ITFG1: variants seen among roughly 807,000 people sequenced by gnomAD.
The protein encoded by ITFG1 is integrin alpha FG-GAP repeat containing 1.
Under a neutral mutation model 81.8 loss-of-function variants are expected in ITFG1, and 34 were observed. That is an observed-to-expected ratio of 0.42 (90% CI 0.32 to 0.55). ITFG1 has a LOEUF of 0.55. Among genes scored for constraint, ITFG1 ranks in the 20% least tolerant of loss-of-function variants. ITFG1 has a pLI of 0.17. For synonymous variants in ITFG1, 285 were observed against 270.6 expected, an observed-to-expected ratio of 1.05 and a Z score of -0.52; for missense variants, 672 against 755.4, an observed-to-expected ratio of 0.89 and a Z score of 1.29.
At chr16:47,428,691 A>C in intron 6 of ITFG1, 113 bp downstream of exon 6, 1 of 727,368 alleles carries the variant, frequency 1.4e-6, no homozygotes, top group South Asian at 1.6e-5. Flanking sequence ...AACATCCTTT[A>C]AACATTAATT....
chr16:47,341,428 AGAAAATACT>A (rs1475460708), intron 8 of ITFG1, among the ~76,000 whole-genome samples: 1 of 150,166 alleles, frequency 6.7e-6, no homozygotes, highest in Non-Finnish European at 1.5e-5. Flanking sequence ...AAAAAAAAAA[AGAAAATACT>A]TGAGACAAAT....
chr16:47,398,162 T>C (rs1968615265), intron 6 of ITFG1, among the ~76,000 whole-genome samples: 1 of 152,204 alleles, frequency 6.6e-6, no homozygotes, highest in Admixed American at 6.5e-5. Context: ...TAACAGCCTG[T>C]CACACACCTC....
chr16:47,254,885 G>A (rs1363812337), intron 12 of ITFG1, among the ~76,000 whole-genome samples: 1 of 151,796 alleles, frequency 6.6e-6, no homozygotes, highest in Non-Finnish European at 1.5e-5. Context: ...AAGTACACTG[G>A]CTCCAGCCTG....
At chr16:47,439,460 A>T (rs879571290) in intron 5 of ITFG1, among the ~76,000 whole-genome samples, 17 of 152,214 alleles carry the variant, frequency 1.1e-4, no homozygotes, top group Non-Finnish European at 2.4e-4. Flanking sequence ...CCACAAAGGG[A>T]AGGCCATCAG....
intron 10 of ITFG1, among the ~76,000 whole-genome samples, chr16:47,306,002 A>G (rs1374148065): frequency 2.0e-5 from 3 of 152,320 alleles, no homozygotes; most frequent in Admixed American, 6.5e-5. Flanking sequence ...CATTCCATCA[A>G]TTGATAATAC....
intron 14 of ITFG1, among the ~76,000 whole-genome samples, chr16:47,203,070 C>T (rs546510956): frequency 3.3e-5 from 5 of 152,002 alleles, no homozygotes; most frequent in East Asian, 1.9e-4. Flanking sequence ...AGCAGGATTA[C>T]GATAGCCAAA....
At chr16:47,431,290 A>G (rs1969092562) in intron 5 of ITFG1, among the ~76,000 whole-genome samples, 1 of 152,208 alleles carries the variant, frequency 6.6e-6, no homozygotes. Flanking sequence ...GCGGCAGGCA[A>G]GTGAGCATCA....
intron 6 of ITFG1, among the ~76,000 whole-genome samples, chr16:47,382,094 A>C (rs1452045532): frequency 6.6e-6 from 1 of 152,250 alleles, no homozygotes; most frequent in Non-Finnish European, 1.5e-5. Context: ...TTTTAATATG[A>C]AAAATCAAAC....
At chr16:47,432,046 C>G (rs1218037974) in intron 5 of ITFG1, among the ~76,000 whole-genome samples, 1 of 152,144 alleles carries the variant, frequency 6.6e-6, no homozygotes, top group Non-Finnish European at 1.5e-5. Flanking sequence ...GGAACTTTCT[C>G]TTTGATGCTG....
intron 6 of ITFG1, among the ~76,000 whole-genome samples, chr16:47,413,186 AAG>A (rs1240630382): frequency 6.6e-6 from 1 of 152,224 alleles, no homozygotes; most frequent in African/African-American, 2.4e-5. Flanking sequence ...TACGAGCAAG[AAG>A]AGACTGGGGG....
intron 8 of ITFG1, among the ~76,000 whole-genome samples, chr16:47,357,473 G>C (rs140723308): frequency 2.5e-3 from 376 of 151,988 alleles, no homozygotes; most frequent in Middle Eastern, 0.014. Context: ...CAATTAGCCG[G>C]GCGTGGTGGT....
intron 14 of ITFG1, among the ~76,000 whole-genome samples, chr16:47,181,261 G>C (rs979604610): frequency 1.3e-5 from 2 of 150,500 alleles, no homozygotes; most frequent in African/African-American, 4.9e-5. Flanking sequence ...CCCTCCGCCC[G>C]GCAGCCACCC....
At chr16:47,242,844 T>G (rs1188295150) in intron 12 of ITFG1, among the ~76,000 whole-genome samples, 1 of 152,178 alleles carries the variant, frequency 6.6e-6, no homozygotes, top group Non-Finnish European at 1.5e-5. Context: ...TTACTTCAGG[T>G]GAACTGGGTT....
At chr16:47,219,770 A>T (rs1965669035) in intron 13 of ITFG1, among the ~76,000 whole-genome samples, 2 of 152,156 alleles carry the variant, frequency 1.3e-5, no homozygotes, top group South Asian at 4.1e-4. Context: ...AAGTAATATG[A>T]TTTCATCAAC....
At chr16:47,345,822 G>A (rs968868448) in intron 8 of ITFG1, among the ~76,000 whole-genome samples, 8 of 152,192 alleles carry the variant, frequency 5.3e-5, no homozygotes, top group Non-Finnish European at 1.2e-4. Context: ...TATGCGGTCC[G>A]TGGTTGACCA....
At chr16:47,262,573 C>T (rs1322046264) in intron 10 of ITFG1, among the ~76,000 whole-genome samples, 1 of 152,212 alleles carries the variant, frequency 6.6e-6, no homozygotes, top group African/African-American at 2.4e-5. Context: ...CCTTATTTTC[C>T]TTTGCAAAAC....
chr16:47,221,193 T>C (rs1965686666), intron 13 of ITFG1, among the ~76,000 whole-genome samples: 1 of 152,174 alleles, frequency 6.6e-6, no homozygotes, highest in Non-Finnish European at 1.5e-5. Flanking sequence ...CTTTTTTTAA[T>C]GGACTGAGAG....
Position 47,357,025 on chromosome 16 carries a change from C to T in ITFG1, c.802+8763G>A, listed in dbSNP as rs574903286. Among the ~76,000 whole-genome samples the T allele has an allele frequency of 8.4e-4, 127 of 151,348 alleles. 1 individual carries two copies. Among genetic ancestry groups the T allele is most frequent in the African/African-American group, 2.9e-3 (121 of 41,256 alleles). On this transcript the variant is annotated intron_variant, in intron 8 of 17. Coordinates refer to ENST00000320640, the MANE Select transcript of ITFG1 (RefSeq NM_030790.5). The stretch of plus-strand genomic sequence containing the variant: ...CCAAGTTATCTGCAATAATCACTTT[C>T]ATAGTACTGTTGCAATAAAAAAAAA...
intron 6 of ITFG1, among the ~76,000 whole-genome samples, chr16:47,427,543 A>T (rs1969038506): frequency 6.6e-6 from 1 of 152,142 alleles, no homozygotes; most frequent in Non-Finnish European, 1.5e-5. Context: ...TTGTAGTCCC[A>T]GCTACTTGGG....
Sources: allele counts gnomAD v4.1 joint callset (sites outside exome capture counted in the v4.1 genomes callset), GRCh38; gene constraint gnomAD v4.1.1; transcripts MANE v1.5; gene names NCBI Gene and HGNC (gene_info 2026-07-23, HGNC 2026-07-21).